Variants in FNIP2 observed in about 807,000 individuals in gnomAD.
The protein encoded by FNIP2 is folliculin-interacting protein 2.
FNIP2 carries 32 observed loss-of-function variants against 108.7 expected under a neutral mutation model. That is an observed-to-expected ratio of 0.29 (90% confidence interval 0.22 to 0.40). FNIP2 has a LOEUF of 0.40. Ranked by LOEUF, FNIP2 falls within the 10% of genes least tolerant of loss-of-function variation. FNIP2 has a pLI of 1.00. For synonymous variants in FNIP2, 480 were observed against 496.7 expected, an observed-to-expected ratio of 0.97 and a Z score of 0.45; for missense variants, 1,202 against 1,381.6, an observed-to-expected ratio of 0.87 and a Z score of 2.06.
At chr4:158,842,388 A>G (rs181446934) in intron 7 of FNIP2, among the ~76,000 whole-genome samples, 143 of 152,358 alleles carry the variant, frequency 9.4e-4, no homozygotes, top group African/African-American at 2.9e-3. Context: ...AAATTAATCT[A>G]TAAGTTTAGT....
intron 14 of FNIP2, among the ~76,000 whole-genome samples, chr4:158,883,788 A>G (rs1350303890): frequency 1.3e-5 from 2 of 152,166 alleles, no homozygotes; most frequent in Non-Finnish European, 2.9e-5. Flanking sequence ...TCCTAATGAC[A>G]ATAAATTCAG....
At chr4:158,883,112 A>AC (rs1243234236) in intron 14 of FNIP2, among the ~76,000 whole-genome samples, 14 of 146,024 alleles carry the variant, frequency 9.6e-5, no homozygotes, top group African/African-American at 3.2e-4. Context: ...TAACACACAC[A>AC]AAAAAAAAAT....
Position 158,861,684 on chromosome 4 carries a change from C to T in FNIP2, c.1373C>T (p.Pro458Leu). The T allele has an allele frequency of 2.5e-6, 4 of 1,614,044 alleles. No homozygotes were observed. The highest frequency in any genetic ancestry group is 3.4e-6 in the Non-Finnish European group (4 of 1,179,904). Reference protein sequence around the residue: ...WVPTVMPVDHPPIKAFSEKRT... With the variant: ...WVPTVMPVDHLPIKAFSEKRT... The stretch of plus-strand genomic sequence containing the variant: ...CCAACTGTCATGCCTGTGGATCACC[C>T]TCCCATCAAAGCCTTCTCAGAGAAA... The change falls in exon 12 of 17, where the codon CCT becomes CTT. Residue 458 changes from proline (P) to leucine (L), a missense_variant. By Grantham distance (98) the Pro-to-Leu change is moderately conservative. Transcript: ENST00000264433.
At chr4:158,778,625 ATTAG>A (rs750828018) in intron 1 of FNIP2, among the ~76,000 whole-genome samples, 24 of 152,160 alleles carry the variant, frequency 1.6e-4, no homozygotes, top group Non-Finnish European at 2.8e-4. Flanking sequence ...TATTTTTATT[ATTAG>A]TTATTGTTGT....
chr4:158,804,493 A>G (rs1776872173), intron 1 of FNIP2, among the ~76,000 whole-genome samples: 1 of 148,352 alleles, frequency 6.7e-6, no homozygotes, highest in Non-Finnish European at 1.5e-5. Flanking sequence ...AGCTGACTGC[A>G]GTCCTGAACT....
intron 1 of FNIP2, among the ~76,000 whole-genome samples, chr4:158,769,773 C>T (rs192787376): frequency 1.5e-4 from 23 of 152,320 alleles, no homozygotes. Context: ...ACGAAAAAGG[C>T]ATCTTTCTTC....
chr4:158,874,754 G>T (rs910433051), intron 14 of FNIP2, among the ~76,000 whole-genome samples: 1 of 151,844 alleles, frequency 6.6e-6, no homozygotes, highest in Non-Finnish European at 1.5e-5. Context: ...CATTATTTTC[G>T]TAAAAATGAA....
intron 8 of FNIP2, among the ~76,000 whole-genome samples, chr4:158,854,794 C>T (rs1251411555): frequency 1.3e-5 from 2 of 152,124 alleles, no homozygotes; most frequent in Non-Finnish European, 2.9e-5. Context: ...CCTGTCTTGT[C>T]GGAATTCTTT....
intron 1 of FNIP2, among the ~76,000 whole-genome samples, chr4:158,816,051 G>A (rs1379716366): frequency 6.6e-6 from 1 of 152,106 alleles, no homozygotes; most frequent in East Asian, 1.9e-4. Flanking sequence ...ATTCCTAGAA[G>A]TGAACTTGCT....
At position 158,869,427 on chromosome 4, in the gene FNIP2, A is replaced by G. The variant is rs1174533668; in HGVS notation, c.2791A>G (p.Arg931Gly). Residue 931 changes from arginine to glycine, a missense_variant and splice_region_variant, in exon 13 of 17, where the codon AGG becomes GGG. By Grantham distance (125) the Arg-to-Gly change is moderately radical. Coordinates refer to ENST00000264433, the MANE Select transcript of FNIP2 (RefSeq NM_020840.3). ...GSLEVELPLP[R>G]SQSISTQNVR... is the part of the protein sequence containing the mutation. ...CTTGGAAGTGGAGCTGCCTCTGCCA[A>G]GGTAACTCCAGCAGGCTGGGAAGTA... 6.3e-7 allele frequency: 1 copy of G among 1,591,772 alleles called. No homozygotes were observed. Among genetic ancestry groups the G allele is most frequent in the East Asian group, 2.3e-5 (1 of 44,262 alleles).
At chr4:158,859,778 G>T (rs940245894) in intron 10 of FNIP2, 112 bp downstream of exon 10, 20 of 894,410 alleles carry the variant, frequency 2.2e-5, no homozygotes, top group Non-Finnish European at 3.6e-5. Context: ...CCTCACTTTT[G>T]TGGTTCCGCC....
At chr4:158,867,959 A>T in intron 12 of FNIP2, 143 bp from the exon 13 acceptor site, 5 of 1,198,780 alleles carry the variant, frequency 4.2e-6, no homozygotes, top group Non-Finnish European at 3.5e-6. Context: ...CGTGGTCCTT[A>T]CTAGAGAGTA....
chr4:158,822,781 C>T (rs913401909), intron 1 of FNIP2, among the ~76,000 whole-genome samples: 1 of 152,208 alleles, frequency 6.6e-6, no homozygotes, highest in East Asian at 1.9e-4. Flanking sequence ...ATTACAGGTA[C>T]GAGCCACTGT....
chr4:158,798,264 G>C (rs1776653209), intron 1 of FNIP2, among the ~76,000 whole-genome samples: 1 of 152,052 alleles, frequency 6.6e-6, no homozygotes, highest in Admixed American at 6.6e-5. Flanking sequence ...GGGTCTTGCT[G>C]TGTTGCCTAG....
At chr4:158,848,928 A>G (rs1779551838) in intron 7 of FNIP2, among the ~76,000 whole-genome samples, 1 of 152,160 alleles carries the variant, frequency 6.6e-6, no homozygotes. Context: ...AGATTTGATG[A>G]AGGAGTGGGT....
chr4:158,869,955 G>A (rs1440957415), intron 13 of FNIP2, among the ~76,000 whole-genome samples: 1 of 152,240 alleles, frequency 6.6e-6, no homozygotes, highest in Admixed American at 6.5e-5. Context: ...CTTCCGCACT[G>A]TCGTGGGCAC....
At chr4:158,881,247 GTCTCCCTCTCCCTCTCTTTCCACGT>G (rs1560827841) in intron 14 of FNIP2, among the ~76,000 whole-genome samples, 5 of 129,646 alleles carry the variant, frequency 3.9e-5, no homozygotes, top group African/African-American at 1.4e-4. Flanking sequence ...TCTTTCCACG[GTCTCCCTCTCCCTCTCTTTCCACGT>G]TCTCCCTCTC....
intron 2 of FNIP2, among the ~76,000 whole-genome samples, chr4:158,828,572 T>G (rs1212806111): frequency 1.3e-5 from 2 of 151,874 alleles, no homozygotes; most frequent in Non-Finnish European, 2.9e-5. Context: ...GCCGAGATCA[T>G]GCCGCTGCAC....
At chr4:158,840,783 A>G (rs927685185) in intron 7 of FNIP2, among the ~76,000 whole-genome samples, 3 of 152,216 alleles carry the variant, frequency 2.0e-5, no homozygotes, top group Non-Finnish European at 1.5e-5. Flanking sequence ...AGCCTTGTCT[A>G]TTGACCTGAA....
Sources: gnomAD v4.1 joint callset for allele counts (sites outside exome capture counted in the v4.1 genomes callset) on GRCh38, gnomAD v4.1.1 for gene constraint, MANE v1.5 for transcripts, NCBI Gene and HGNC (gene_info 2026-07-23, HGNC 2026-07-21) for gene names.